SCFD2: variants seen among roughly 807,000 people sequenced by gnomAD.
SCFD2 encodes sec1 family domain-containing protein 2.
In SCFD2, 54 loss-of-function variants were observed where a neutral mutation model predicts 58.9. The observed-to-expected ratio is 0.92, with a 90% CI of 0.74 to 1.15. The LOEUF is 1.15. SCFD2 is among the 50% of genes most tolerant of loss of function. SCFD2 has a pLI of 0.00. For synonymous variants in SCFD2, 321 were observed against 335.9 expected, an observed-to-expected ratio of 0.96 and a Z score of 0.49; for missense variants, 805 against 836.6, an observed-to-expected ratio of 0.96 and a Z score of 0.47.
intron 5 of SCFD2, among the ~76,000 whole-genome samples, chr4:53,047,833 A>C (rs1445485252): frequency 1.3e-5 from 2 of 152,212 alleles, no homozygotes; most frequent in Non-Finnish European, 2.9e-5. Context: ...GGGCATCTCC[A>C]GTAGGTAACC....
intron 3 of SCFD2, among the ~76,000 whole-genome samples, chr4:53,281,806 T>C (rs1481818): frequency 0.72 from 109,784 of 152,124 alleles, 39,832 homozygotes; most frequent in Middle Eastern, 0.8. Flanking sequence ...CAATATCTTA[T>C]AGCTGTCCAT....
chr4:52,909,754 T>G (rs760229666), intron 6 of SCFD2, among the ~76,000 whole-genome samples: 2 of 152,178 alleles, frequency 1.3e-5, no homozygotes, highest in Non-Finnish European at 2.9e-5. Flanking sequence ...TAGGGTTATC[T>G]CTAGGTTCAG....
At chr4:53,012,836 G>GTGTGTGTGTGTGTGTGTTTT (rs1553914338) in intron 5 of SCFD2, among the ~76,000 whole-genome samples, 3 of 145,112 alleles carry the variant, frequency 2.1e-5, no homozygotes, top group African/African-American at 7.6e-5. Flanking sequence ...GTGTGTGTGT[G>GTGTGTGTGTGTGTGTGTTTT]TTTTTTTTTA....
chr4:53,294,156 C>T (rs1028317404), intron 3 of SCFD2, among the ~76,000 whole-genome samples: 2 of 152,118 alleles, frequency 1.3e-5, no homozygotes, highest in African/African-American at 4.8e-5. Context: ...GGGGTATATA[C>T]CCAGTAACGG....
chr4:52,909,284 C>T lies in SCFD2; in HGVS notation c.1708-1693G>A, dbSNP rs545116022. 2.6e-5 allele frequency among the ~76,000 whole-genome samples: 4 copies of T among 152,260 alleles called. No individual in the cohort carries two copies. In the South Asian group the frequency reaches 6.2e-4, roughly 24 times the overall value. ...TGTTTGTAGTACCAAGATTAGAAAC[C>T]ACCCAAGTGCCATCAGTAGGGAGCT... is the stretch of plus-strand genomic sequence containing the variant. On this transcript the variant is annotated intron_variant, in intron 6 of 8. Transcript: ENST00000401642.
intron 4 of SCFD2, among the ~76,000 whole-genome samples, chr4:53,217,968 G>GC (rs1184390416): frequency 6.6e-6 from 1 of 152,064 alleles, no homozygotes; most frequent in Non-Finnish European, 1.5e-5. Flanking sequence ...TTGAATATTG[G>GC]CCCCCACTCT....
intron 5 of SCFD2, among the ~76,000 whole-genome samples, chr4:53,097,688 C>G (rs1161062884): frequency 3.3e-5 from 5 of 152,126 alleles, no homozygotes; most frequent in Admixed American, 6.5e-5. Flanking sequence ...TCCTCTATTC[C>G]TAATTGAATA....
chr4:53,310,460 C>A (rs1246983554), intron 3 of SCFD2, among the ~76,000 whole-genome samples: 1 of 152,182 alleles, frequency 6.6e-6, no homozygotes, highest in African/African-American at 2.4e-5. Flanking sequence ...AGATGGGCAT[C>A]ATCTACTCAT....
intron 5 of SCFD2, among the ~76,000 whole-genome samples, chr4:53,017,929 A>T (rs771796965): frequency 1.3e-5 from 2 of 152,222 alleles, no homozygotes; most frequent in Non-Finnish European, 2.9e-5. Flanking sequence ...GGTCTATACA[A>T]ATGGCTCCTT....
chr4:52,967,837 C>T (rs1031094060), intron 5 of SCFD2, among the ~76,000 whole-genome samples: 1 of 152,186 alleles, frequency 6.6e-6, no homozygotes, highest in African/African-American at 2.4e-5. Flanking sequence ...ATGCCCTGCT[C>T]TGCACAATTC....
chr4:53,105,327 C>G (rs1301957366), intron 5 of SCFD2, among the ~76,000 whole-genome samples: 1 of 151,852 alleles, frequency 6.6e-6, no homozygotes, highest in African/African-American at 2.4e-5. Flanking sequence ...TGGAATACCA[C>G]CGAGACAGAG....
intron 5 of SCFD2, among the ~76,000 whole-genome samples, chr4:53,015,949 C>A (rs1722203276): frequency 6.6e-6 from 1 of 152,094 alleles, no homozygotes; most frequent in Non-Finnish European, 1.5e-5. Context: ...TTGTCCTGTA[C>A]AAAGTACAGA....
intron 3 of SCFD2, among the ~76,000 whole-genome samples, chr4:53,276,452 TTA>T (rs1194358852): frequency 6.6e-6 from 1 of 152,124 alleles, no homozygotes; most frequent in African/African-American, 2.4e-5. Flanking sequence ...ATAGTTTCAT[TTA>T]GTTATTTTTT....
At chr4:52,924,047 T>C (rs1214185675) in intron 5 of SCFD2, among the ~76,000 whole-genome samples, 1 of 152,216 alleles carries the variant, frequency 6.6e-6, no homozygotes, top group Non-Finnish European at 1.5e-5. Flanking sequence ...TCTAATATCA[T>C]GCAAAGTCTT....
intron 5 of SCFD2, among the ~76,000 whole-genome samples, chr4:53,126,710 T>C (rs542086512): frequency 1.4e-3 from 208 of 152,270 alleles, no homozygotes; most frequent in African/African-American, 4.6e-3. Context: ...GACAAATAAT[T>C]TGCCCACTTA....
chr4:53,156,909 G>T (rs969514383), intron 4 of SCFD2, among the ~76,000 whole-genome samples: 1 of 152,174 alleles, frequency 6.6e-6, no homozygotes, highest in African/African-American at 2.4e-5. Flanking sequence ...TCATGCAATA[G>T]CATTGTTACT....
intron 8 of SCFD2, among the ~76,000 whole-genome samples, chr4:52,885,028 T>C (rs752393521): frequency 3.0e-4 from 46 of 152,202 alleles, no homozygotes; most frequent in Admixed American, 9.8e-4. Flanking sequence ...AGAGGCAGGA[T>C]TGGAACTTGG....
At chr4:53,231,131 G>A (rs1280105424) in intron 4 of SCFD2, among the ~76,000 whole-genome samples, 1 of 152,064 alleles carries the variant, frequency 6.6e-6, no homozygotes, top group African/African-American at 2.4e-5. Context: ...AACCATTCAT[G>A]TGTTAAGTAG....
intron 2 of SCFD2, among the ~76,000 whole-genome samples, chr4:53,351,336 T>G (rs1382925310): frequency 6.6e-6 from 1 of 152,166 alleles, no homozygotes; most frequent in Non-Finnish European, 1.5e-5. Flanking sequence ...CAAGACATAA[T>G]TAAAGCAGTG....
Sources: allele counts gnomAD v4.1 joint callset (sites outside exome capture counted in the v4.1 genomes callset), GRCh38; gene constraint gnomAD v4.1.1; transcripts MANE v1.5; gene names NCBI Gene and HGNC (gene_info 2026-07-23, HGNC 2026-07-21).